RASGRF2: variants seen among roughly 807,000 people sequenced by gnomAD.
The protein encoded by RASGRF2 is ras-specific guanine nucleotide-releasing factor 2.
A neutral mutation model predicts 151.0 loss-of-function variants in RASGRF2; 76 were observed. The ratio of observed to expected loss-of-function variants is 0.50; its 90% confidence interval spans 0.42 to 0.61. The LOEUF (loss-of-function observed/expected upper bound fraction) is 0.61, where lower values mean the gene tolerates loss of function less well. RASGRF2 is among the 20% of genes least tolerant of loss of function. The pLI is 0.00. For synonymous variants in RASGRF2, 504 were observed against 566.5 expected, an observed-to-expected ratio of 0.89 and a Z score of 1.57; for missense variants, 1,148 against 1,564.6, an observed-to-expected ratio of 0.73 and a Z score of 4.49.
chr5:81,078,428 C>G (rs1751997939), intron 5 of RASGRF2, among the ~76,000 whole-genome samples: 1 of 152,184 alleles, frequency 6.6e-6, no homozygotes, highest in Admixed American at 6.5e-5. Context: ...CTCTGGTAAC[C>G]ACCATTCTAT....
chr5:80,986,996 A>C (rs2052481), intron 1 of RASGRF2, among the ~76,000 whole-genome samples: 30,157 of 152,098 alleles, frequency 0.2, 3,767 homozygotes, highest in Middle Eastern at 0.4. Context: ...AAAGCTAGTC[A>C]TCACTGCTTA....
chr5:81,212,168 A>G (rs1000942340), intron 22 of RASGRF2, among the ~76,000 whole-genome samples, 198 bp from the exon 23 acceptor site: 5 of 152,216 alleles, frequency 3.3e-5, no homozygotes, highest in Non-Finnish European at 7.3e-5. Context: ...TGTTCACTCA[A>G]AGGACAAACA....
rs146506311 is a variant in RASGRF2 at position 81,132,318 on chromosome 5, A to C, written c.2686+5155A>C. Among the ~76,000 whole-genome samples the C allele has an allele frequency of 2.4e-3, 360 of 152,322 alleles. 1 individual carries two copies. Among genetic ancestry groups the C allele is most frequent in the African/African-American group, 8.3e-3 (343 of 41,572 alleles). On this transcript the variant is annotated intron_variant, in intron 17 of 26. Coordinates refer to ENST00000265080, the MANE Select transcript of RASGRF2 (RefSeq NM_006909.3). ...GGGAATATTCAGTGCAGAAAAGAAAAAACTGTACTGTCCATATATTTTTAT... is the reference window on the plus strand; with the variant it reads ...GGGAATATTCAGTGCAGAAAAGAAACAACTGTACTGTCCATATATTTTTAT...
intron 26 of RASGRF2, among the ~76,000 whole-genome samples, chr5:81,221,049 G>A (rs1755847026): frequency 6.6e-6 from 1 of 152,244 alleles, no homozygotes; most frequent in African/African-American, 2.4e-5. Flanking sequence ...GTTATTGGAA[G>A]GAAGACCCCA....
intron 26 of RASGRF2, 79 bp from the exon 27 acceptor site, chr5:81,225,599 A>C: frequency 6.5e-7 from 1 of 1,534,240 alleles, no homozygotes; most frequent in South Asian, 1.3e-5. Context: ...AAAATGTTGA[A>C]TTGTGTTAGA....
chr5:80,995,618 C>T (rs1748820171), intron 1 of RASGRF2, among the ~76,000 whole-genome samples: 1 of 150,990 alleles, frequency 6.6e-6, no homozygotes, highest in Admixed American at 6.6e-5. Context: ...CAGCATGTAG[C>T]TGTCTCTGCT....
rs56205345 is a variant in RASGRF2 at position 81,038,567 on chromosome 5, C to CTTTTTTT, written c.289-4293_289-4287dup. On this transcript the variant is annotated intron_variant, in intron 1 of 26. Coordinates refer to ENST00000265080, the MANE Select transcript of RASGRF2 (RefSeq NM_006909.3). ...AAAAATATTGATTTGTAAATATTTG[C>CTTTTTTT]TTTTTTTTTTTTTTTTTTTTTTTGT... Among the ~76,000 whole-genome samples the CTTTTTTT allele has an allele frequency of 7.3e-4, 61 of 83,910 alleles. 2 individuals carry two copies. The highest frequency in any genetic ancestry group is 1.3e-3 in the Admixed American group (7 of 5,520). 55.0% of individuals were successfully genotyped at this position (83,910 alleles called of 152,430 possible).
At chr5:81,148,537 A>G (rs994940535) in intron 17 of RASGRF2, among the ~76,000 whole-genome samples, 1 of 152,174 alleles carries the variant, frequency 6.6e-6, no homozygotes, top group East Asian at 1.9e-4. Flanking sequence ...TTGTTCTCAT[A>G]AACATTGCTT....
At chr5:81,191,631 A>G (rs1295082039) in intron 18 of RASGRF2, among the ~76,000 whole-genome samples, 2 of 152,020 alleles carry the variant, frequency 1.3e-5, no homozygotes, top group Non-Finnish European at 2.9e-5. Context: ...ATGACAATCC[A>G]TATAAATTTA....
intron 1 of RASGRF2, among the ~76,000 whole-genome samples, chr5:80,967,991 C>T (rs1029810651): frequency 6.6e-6 from 1 of 152,198 alleles, no homozygotes; most frequent in African/African-American, 2.4e-5. Flanking sequence ...CTGCTACTTA[C>T]CAGACACATG....
chr5:81,002,991 A>T (rs1749126023), intron 1 of RASGRF2, among the ~76,000 whole-genome samples: 2 of 152,162 alleles, frequency 1.3e-5, no homozygotes, highest in Non-Finnish European at 2.9e-5. Context: ...ATTTGGTCAA[A>T]GTAATTAATT....
At chr5:81,176,423 G>A (rs1305325529) in intron 17 of RASGRF2, among the ~76,000 whole-genome samples, 15 of 151,872 alleles carry the variant, frequency 9.9e-5, no homozygotes, top group Admixed American at 4.6e-4. Context: ...TCCATAATCC[G>A]GGAGAATCTA....
intron 17 of RASGRF2, among the ~76,000 whole-genome samples, chr5:81,128,662 A>G (rs557013230): frequency 2.0e-5 from 3 of 152,206 alleles, no homozygotes; most frequent in African/African-American, 2.4e-5. Context: ...CTATTGCTTT[A>G]GCTGACTCAT....
chr5:81,227,997 A>G lies in RASGRF2; in HGVS notation c.*2227A>G, dbSNP rs1315463896. On this transcript the variant is annotated 3_prime_UTR_variant, in exon 27 of 27. Transcript: ENST00000265080. ...TCGCAGCTTTTCTTCAACTAGTGAC[A>G]AAGCTTTTGCGCCTATTTCCTGCAG... 2 of 152,178 alleles carry G rather than the reference A, an allele frequency of 1.3e-5. No individual in the cohort carries two copies. Among genetic ancestry groups the G allele is most frequent in the Admixed American group, 1.3e-4 (2 of 15,274 alleles). The allele number at this position is 152,178 out of a possible 1,614,324, so 9.4% of individuals were successfully genotyped here.
At chr5:81,067,337 C>T (rs966922085) in intron 2 of RASGRF2, among the ~76,000 whole-genome samples, 2 of 152,198 alleles carry the variant, frequency 1.3e-5, no homozygotes, top group Admixed American at 1.3e-4. Flanking sequence ...TTAGATACCA[C>T]AGAATTATAT....
Position 81,152,718 on chromosome 5 carries a change from C to G in RASGRF2, c.2686+25555C>G, listed in dbSNP as rs535074053. ...CCAACCATTTATGAACTCCTGAAAT[C>G]TAGCACAGGCATACCAAAATAGAAA... On this transcript the variant is annotated intron_variant, in intron 17 of 26. Transcript: ENST00000265080. Among the ~76,000 whole-genome samples, 3 of 152,340 alleles carry G rather than the reference C, an allele frequency of 2.0e-5. No homozygotes were observed. The South Asian group carries it at 6.2e-4, about 32-fold the overall frequency.
chr5:81,005,456 C>A (rs1405540769), intron 1 of RASGRF2, among the ~76,000 whole-genome samples: 5 of 152,164 alleles, frequency 3.3e-5, no homozygotes, highest in African/African-American at 1.2e-4. Context: ...GTTCTACCCA[C>A]AACACATGGG....
chr5:81,191,077 T>C (rs1263643898), intron 18 of RASGRF2, among the ~76,000 whole-genome samples: 1 of 152,196 alleles, frequency 6.6e-6, no homozygotes, highest in Non-Finnish European at 1.5e-5. Context: ...ACCCTCAGCA[T>C]GGGGAACAAT....
chr5:81,212,574 G>A lies in RASGRF2; in HGVS notation c.3354+11G>A, dbSNP rs758333339. On this transcript the variant is annotated intron_variant, in intron 23 of 26. Coordinates refer to ENST00000265080, the MANE Select transcript of RASGRF2 (RefSeq NM_006909.3). ...AAGGTCTCTAAGCAGGTGAGCCTCA[G>A]CGTGTGACACAGCCTGCTGCTAAGA... The A allele has an allele frequency of 1.2e-5, 20 of 1,600,880 alleles. No homozygotes were observed. The highest frequency in any genetic ancestry group is 1.7e-5 in the Non-Finnish European group (20 of 1,172,544).
Sources: allele counts gnomAD v4.1 joint callset (sites outside exome capture counted in the v4.1 genomes callset), GRCh38; gene constraint gnomAD v4.1.1; transcripts MANE v1.5; gene names NCBI Gene and HGNC (gene_info 2026-07-23, HGNC 2026-07-21).